ZNF860: variants seen among roughly 807,000 people sequenced by gnomAD.
ZNF860 encodes zinc finger protein 860.
For missense variants in ZNF860, 641 were observed against 759.2 expected (o/e 0.84, Z 1.83); for synonymous variants, 206 against 248.9 (o/e 0.83, Z 1.62).
the ZNF860 span, among the ~76,000 whole-genome samples, chr3:32,004,922 T>G: frequency 6.6e-6 from 1 of 152,216 alleles, no homozygotes; most frequent in African/African-American, 2.4e-5. Flanking sequence ...TGCAATTCAA[T>G]TCCCACTTAT....
In ZNF860 at chr3:31,990,959, G is replaced by A. The variant is rs112503028; in HGVS notation, c.1880G>A (p.Arg627His). The A allele has an allele frequency of 1.8e-3, 2,765 of 1,574,558 alleles. 56 individuals are homozygous for A. The African/African-American group carries it at 0.033, about 19-fold the overall frequency. ...TGQKSYKCHK[R>H]GKVFS ...CAGAAATCTTACAAATGTCATAAGCGTGGCAAGGTCTTCAGTTAGAGGTCA... is the reference window on the plus strand; with the variant it reads ...CAGAAATCTTACAAATGTCATAAGCATGGCAAGGTCTTCAGTTAGAGGTCA... The change falls in exon 2 of 2, where the codon CGT becomes CAT. Residue 627 changes from arginine to histidine, a missense_variant. Arg to His is a conservative substitution (Grantham distance 29). Coordinates refer to ENST00000360311, the MANE Select transcript of ZNF860 (RefSeq NM_001137674.3).
chr3:32,004,827 G>A, the ZNF860 span, among the ~76,000 whole-genome samples: 20 of 152,144 alleles, frequency 1.3e-4, no homozygotes, highest in African/African-American at 4.6e-4. Flanking sequence ...GAAAAGGATA[G>A]CTAGAATTTT....
Position 31,991,131 on chromosome 3 carries a change from A to G in ZNF860, c.*153A>G, listed in dbSNP as rs1171375218. On this transcript the variant is annotated 3_prime_UTR_variant, in exon 2 of 2. Transcript: ENST00000360311. Reference sequence around the variant, plus strand: ...GACTTGACATTGAGTTCAAGCATTAATTGACATTAAAGTGTTTACGTTAAG... The same window carrying G: ...GACTTGACATTGAGTTCAAGCATTAGTTGACATTAAAGTGTTTACGTTAAG... The G allele has an allele frequency of 2.5e-6, 2 of 797,976 alleles. No homozygotes were observed. The highest frequency in any genetic ancestry group is 2.6e-5 in the East Asian group (1 of 37,848). 49.4% of individuals were successfully genotyped at this position (797,976 alleles called of 1,614,324 possible).
chr3:31,984,653 C>T (rs1309456605), intron 1 of ZNF860, among the ~76,000 whole-genome samples: 1 of 152,140 alleles, frequency 6.6e-6, no homozygotes, highest in African/African-American at 2.4e-5. Flanking sequence ...GGCAGATTAT[C>T]ATTTAACTAT....
In ZNF860 at chr3:31,989,250, C is replaced by T; in HGVS notation, c.171C>T (p.Tyr57=). The T allele has an allele frequency of 6.2e-7, 1 of 1,614,178 alleles. No individual in the cohort carries two copies. Among genetic ancestry groups the T allele is most frequent in the Non-Finnish European group, 8.5e-7 (1 of 1,180,038 alleles). ...ALYRAMMLEN[Y]RNLHSVDISS... is the part of the protein sequence containing the mutation. Reference sequence around the variant, plus strand: ...ACAGGGCCATGATGTTGGAGAACTACAGGAACCTGCATTCTGTGGATATCT... The same window carrying T: ...ACAGGGCCATGATGTTGGAGAACTATAGGAACCTGCATTCTGTGGATATCT... The change falls in exon 2 of 2, where the codon TAC becomes TAT. Residue 57 remains tyrosine (Y), a synonymous_variant. Coordinates refer to ENST00000360311, the MANE Select transcript of ZNF860 (RefSeq NM_001137674.3).
downstream of ZNF860, among the ~76,000 whole-genome samples, chr3:31,996,385 T>C (rs1241505664): frequency 6.6e-6 from 1 of 152,208 alleles, no homozygotes. Context: ...AATGATATGA[T>C]TGTGGGTTGT....
chr3:32,002,617 T>G, the ZNF860 span, among the ~76,000 whole-genome samples: 1 of 152,160 alleles, frequency 6.6e-6, no homozygotes, highest in Non-Finnish European at 1.5e-5. Flanking sequence ...TCTCTCTTGG[T>G]GACTTAGATC....
In ZNF860 at chr3:31,990,699, T is replaced by G. The variant is rs1295676709; in HGVS notation, c.1620T>G (p.Cys540Trp). 1.2e-6 allele frequency: 2 copies of G among 1,613,996 alleles called. No homozygotes were observed. The highest frequency in any genetic ancestry group is 2.7e-5 in the African/African-American group (2 of 74,926). ...ATACTGGAGAGAAACCTTACAAATG[T>G]GAAGAATGTGACACAGTTTTCAGTC... ...RLHTGEKPYKCEECDTVFSRK... is the reference protein window; with the variant it reads ...RLHTGEKPYKWEECDTVFSRK... The change falls in exon 2 of 2, where the codon TGT becomes TGG. Residue 540 changes from cysteine (C) to tryptophan (W), a missense_variant. Transcript: ENST00000360311.
At position 31,990,270 on chromosome 3, in the gene ZNF860, T is replaced by G; in HGVS notation, c.1191T>G (p.Leu397=). ...HHQAIHGIGK[L]YKCNDCHKVF... is the part of the protein sequence containing the mutation. ...AAGCAATCCATGGTATAGGGAAACT[T>G]TATAAATGTAATGATTGTCACAAAG... The change falls in exon 2 of 2, where the codon CTT becomes CTG. Residue 397 remains leucine, a synonymous_variant. Transcript: ENST00000360311. 2 of 1,613,992 alleles carry G rather than the reference T, an allele frequency of 1.2e-6. No individual in the cohort carries two copies. The highest frequency in any genetic ancestry group is 1.7e-6 in the Non-Finnish European group (2 of 1,179,952).
the ZNF860 span, among the ~76,000 whole-genome samples, chr3:32,004,657 C>G: frequency 2.0e-5 from 3 of 152,126 alleles, no homozygotes; most frequent in Admixed American, 2.0e-4. Context: ...TTTCTTTCAA[C>G]AAAACTATTG....
Position 31,988,746 on chromosome 3 carries a change from C to G in ZNF860, c.-334C>G, listed in dbSNP as rs949442910. 1 of 316,180 alleles carries G rather than the reference C, an allele frequency of 3.2e-6. No homozygotes were observed. Among genetic ancestry groups the G allele is most frequent in the African/African-American group, 2.1e-5 (1 of 47,124 alleles). 19.6% of individuals were successfully genotyped at this position (316,180 alleles called of 1,614,324 possible). ...GGCAGGAGGCATGAAGGTGTGCCAG[C>G]CACTGTGTCAGTCACCTTATAAGCA... On this transcript the variant is annotated 5_prime_UTR_variant, in exon 2 of 2. Transcript: ENST00000360311.
At chr3:32,000,449 CA>C in the ZNF860 span, among the ~76,000 whole-genome samples, 2 of 152,206 alleles carry the variant, frequency 1.3e-5, no homozygotes, top group Non-Finnish European at 2.9e-5. Flanking sequence ...AAGATCACCC[CA>C]CCACACCAGT....
chr3:31,983,531 G>T (rs1698891695), intron 1 of ZNF860, among the ~76,000 whole-genome samples: 1 of 152,238 alleles, frequency 6.6e-6, no homozygotes, highest in South Asian at 2.1e-4. Context: ...TGGGGCAGGA[G>T]CAAGCCAGCC....
chr3:31,990,644 A>T lies in ZNF860; in HGVS notation c.1565A>T (p.Gln522Leu), dbSNP rs147263137. The T allele has an allele frequency of 2.0e-4, 328 of 1,614,192 alleles. 2 individuals are homozygous for T. The African/African-American group carries it at 3.8e-3, about 19-fold the overall frequency. The stretch of plus-strand genomic sequence containing the variant: ...GAATGTGGCAAGGTTTTTAATCAAC[A>T]AGCAACCCTTGCACGTCATCATAGA... The part of the protein sequence containing the change: ...CNECGKVFNQ[Q>L]ATLARHHRLH... The change falls in exon 2 of 2, where the codon CAA (glutamine) becomes CTA (leucine). Residue 522 changes from glutamine (Q) to leucine (L), a missense_variant. Gln to Leu is a moderately radical substitution (Grantham distance 113). Coordinates refer to ENST00000360311, the MANE Select transcript of ZNF860 (RefSeq NM_001137674.3).
rs541695105 is a variant in ZNF860, at chr3:31,981,933, G to A, written c.-421+31G>A. The stretch of plus-strand genomic sequence containing the variant: ...CTCGCCGGGCATTTTCATGCAGCAG[G>A]ATTATGATAAATGCTTAACAGACAC... On this transcript the variant is annotated intron_variant, in intron 1 of 1. Coordinates refer to ENST00000360311, the MANE Select transcript of ZNF860 (RefSeq NM_001137674.3). The surrounding 1 kb of genome is among the most constrained non-coding windows in gnomAD (Gnocchi z 4.5). The A allele has an allele frequency of 1.1e-4, 16 of 152,346 alleles. No homozygotes were observed. The highest frequency in any genetic ancestry group is 3.6e-4 in the African/African-American group (15 of 41,578). The allele number at this position is 152,346 out of a possible 1,614,324, so 9.4% of individuals were successfully genotyped here. A position where few individuals can be genotyped will look rare whatever the true frequency, so the allele number is the denominator to read the frequency against.
intron 1 of ZNF860, chr3:31,986,128 G>A (rs1463565953): frequency 1.3e-5 from 2 of 152,202 alleles, no homozygotes; most frequent in African/African-American, 2.4e-5. Context: ...ATGCATTTAG[G>A]AATTGATCCT....
chr3:32,000,307 C>T, the ZNF860 span, among the ~76,000 whole-genome samples: 4 of 152,112 alleles, frequency 2.6e-5, no homozygotes, highest in Non-Finnish European at 4.4e-5. Context: ...GAGTTATATT[C>T]GGCTTATAAT....
At chr3:32,000,476 C>T in the ZNF860 span, among the ~76,000 whole-genome samples, 3 of 152,086 alleles carry the variant, frequency 2.0e-5, no homozygotes, top group African/African-American at 4.8e-5. Context: ...TCTGTGAGGG[C>T]GAAATGAAAT....
At chr3:32,004,933 G>T in the ZNF860 span, among the ~76,000 whole-genome samples, 3 of 152,098 alleles carry the variant, frequency 2.0e-5, no homozygotes, top group Admixed American at 2.0e-4. Flanking sequence ...TCCCACTTAT[G>T]TTTCTCCCCA....
Sources: gnomAD v4.1 joint callset for allele counts (sites outside exome capture counted in the v4.1 genomes callset) on GRCh38, gnomAD v4.1.1 for gene constraint, Gnocchi (gnomAD v3.1) non-coding constraint, MANE v1.5 for transcripts, NCBI Gene and HGNC (gene_info 2026-07-23, HGNC 2026-07-21) for gene names.